The following PCDH15 variants were observed in gnomAD, a reference collection of about 807,000 sequenced individuals.
PCDH15 encodes the protein protocadherin related 15.
A neutral mutation model predicts 178.5 loss-of-function variants in PCDH15; 129 were observed. The ratio of observed to expected loss-of-function variants is 0.72; its 90% CI spans 0.63 to 0.84. The LOEUF is 0.84. Among genes scored for constraint, PCDH15 ranks in the 40% least tolerant of loss-of-function variants. The pLI is 0.00. For synonymous variants in PCDH15, 800 were observed against 732.0 expected, an observed-to-expected ratio of 1.09 and a Z score of -1.50; for missense variants, 2,230 against 2,099.9, an observed-to-expected ratio of 1.06 and a Z score of -1.21.
intron 2 of PCDH15, among the ~76,000 whole-genome samples, chr10:55,511,550 A>G (rs1005636984): frequency 6.6e-6 from 1 of 152,090 alleles, no homozygotes; most frequent in East Asian, 1.9e-4. Context: ...ATGTTTTGGG[A>G]TTTAGCTACA....
At position 55,393,827 on chromosome 10, in the gene PCDH15, A is replaced by G. The variant is rs184161059; in HGVS notation, c.-155-227176T>C. Among the ~76,000 whole-genome samples, 7 of 152,182 alleles carry G rather than the reference A, an allele frequency of 4.6e-5. No individual in the cohort carries two copies. The East Asian group carries it at 9.7e-4, about 21-fold the overall frequency. ...CAGCAACTCATAGAAGCTGTGCACA[A>G]ATGTCTTTTTGTCCTATAGTTCACA... On this transcript the variant is annotated intron_variant, in intron 2 of 5. Transcript: ENST00000613346.
intron 2 of PCDH15, among the ~76,000 whole-genome samples, chr10:54,905,715 A>C (rs2131829565): frequency 6.6e-6 from 1 of 152,234 alleles, no homozygotes; most frequent in Admixed American, 6.5e-5. Context: ...TTCCAATATT[A>C]ATATGAGGCT....
chr10:55,482,856 T>C (rs570683123), intron 2 of PCDH15, among the ~76,000 whole-genome samples: 7 of 151,978 alleles, frequency 4.6e-5, no homozygotes, highest in Admixed American at 3.3e-4. Context: ...TGAATTTGAA[T>C]GTTGGCCTTT....
chr10:54,270,498 G>A (rs548947335), intron 8 of PCDH15, among the ~76,000 whole-genome samples: 1 of 152,236 alleles, frequency 6.6e-6, no homozygotes, highest in South Asian at 2.1e-4. Flanking sequence ...GTATGGGTAA[G>A]TTGGGGGTCA....
chr10:54,652,196 C>T (rs2094278512), intron 2 of PCDH15, among the ~76,000 whole-genome samples: 2 of 152,148 alleles, frequency 1.3e-5, no homozygotes, highest in South Asian at 4.1e-4. Context: ...ACATCTGCTA[C>T]TTTCAGGACC....
chr10:54,061,787 G>C (rs1277038154), intron 18 of PCDH15, among the ~76,000 whole-genome samples: 2 of 146,902 alleles, frequency 1.4e-5, no homozygotes, highest in Non-Finnish European at 3.0e-5. Context: ...ATGATACCTT[G>C]TGAATAAAAA....
chr10:55,352,994 G>T (rs573819012), intron 2 of PCDH15, among the ~76,000 whole-genome samples: 42 of 152,162 alleles, frequency 2.8e-4, no homozygotes, highest in South Asian at 1.0e-3. Context: ...AACAGAAAGG[G>T]CCCAATTCTC....
intron 3 of PCDH15, among the ~76,000 whole-genome samples, chr10:54,854,742 G>A (rs572914416): frequency 1.3e-5 from 2 of 152,272 alleles, no homozygotes; most frequent in South Asian, 4.1e-4. Context: ...TCAGAGTGGA[G>A]GTAGTGCATG....
chr10:54,527,515 T>C (rs2083469170), intron 3 of PCDH15, among the ~76,000 whole-genome samples: 1 of 152,146 alleles, frequency 6.6e-6, no homozygotes, highest in Non-Finnish European at 1.5e-5. Context: ...ACTATACACA[T>C]GATAGTCAAC....
chr10:53,851,968 T>C (rs1043270031), intron 28 of PCDH15, among the ~76,000 whole-genome samples: 5 of 151,714 alleles, frequency 3.3e-5, no homozygotes, highest in Non-Finnish European at 7.4e-5. Flanking sequence ...ATTCAGAAGG[T>C]AAGAGATGGG....
intron 3 of PCDH15, among the ~76,000 whole-genome samples, chr10:54,885,564 G>A (rs894441003): frequency 2.0e-5 from 3 of 151,998 alleles, no homozygotes; most frequent in African/African-American, 7.2e-5. Flanking sequence ...GGTCATCCCC[G>A]ATACTTCATA....
intron 8 of PCDH15, among the ~76,000 whole-genome samples, chr10:54,270,868 G>A (rs2058006246): frequency 6.6e-6 from 1 of 152,090 alleles, no homozygotes; most frequent in South Asian, 2.1e-4. Context: ...ATTTTAATTA[G>A]CTGTATGGCA....
chr10:53,875,477 T>A (rs2080164534), intron 26 of PCDH15, among the ~76,000 whole-genome samples: 1 of 152,076 alleles, frequency 6.6e-6, no homozygotes, highest in Non-Finnish European at 1.5e-5. Flanking sequence ...AGAATTAATA[T>A]GATATTACTT....
At chr10:54,171,639 T>C (rs1229779653) in intron 13 of PCDH15, among the ~76,000 whole-genome samples, 2 of 152,162 alleles carry the variant, frequency 1.3e-5, no homozygotes, top group East Asian at 1.9e-4. Context: ...ACTGCCACTC[T>C]TAACTCTTGA....
intron 15 of PCDH15, among the ~76,000 whole-genome samples, chr10:54,105,331 CAT>C (rs1418965535): frequency 7.3e-5 from 6 of 82,728 alleles, no homozygotes; most frequent in African/African-American, 1.9e-4. Flanking sequence ...CACACACATA[CAT>C]ATATATACAC....
At chr10:54,637,125 C>CA (rs562355701) in intron 2 of PCDH15, among the ~76,000 whole-genome samples, 6,229 of 76,504 alleles carry the variant, frequency 0.081, 165 homozygotes, top group African/African-American at 0.12. Flanking sequence ...AATCAATCTT[C>CA]AAAAAAAAAA....
At chr10:54,253,048 A>G (rs535075978) in intron 8 of PCDH15, among the ~76,000 whole-genome samples, 2 of 152,186 alleles carry the variant, frequency 1.3e-5, no homozygotes, top group South Asian at 4.1e-4. Context: ...AACATGTTAT[A>G]AAGCTGGGAG....
intron 2 of PCDH15, among the ~76,000 whole-genome samples, chr10:55,396,517 TC>T (rs1002749470): frequency 6.6e-6 from 1 of 152,192 alleles, no homozygotes; most frequent in African/African-American, 2.4e-5. Context: ...GCTGTCATCC[TC>T]AGAGTCGCTA....
chr10:54,050,723 C>T (rs1201624339), intron 18 of PCDH15, among the ~76,000 whole-genome samples: 1 of 151,972 alleles, frequency 6.6e-6, no homozygotes, highest in Non-Finnish European at 1.5e-5. Context: ...ATAGACTTTC[C>T]TCTTAATGCT....
Sources: gnomAD v4.1 joint callset for allele counts (sites outside exome capture counted in the v4.1 genomes callset) on GRCh38, gnomAD v4.1.1 for gene constraint, MANE v1.5 for transcripts, NCBI Gene and HGNC (gene_info 2026-07-23, HGNC 2026-07-21) for gene names.